SLF1: variants seen among roughly 807,000 people sequenced by gnomAD.
The protein encoded by SLF1 is SMC5-SMC6 complex localization factor protein 1.
SLF1 carries 105 observed loss-of-function variants against 123.0 expected under a neutral mutation model. That is an observed-to-expected ratio of 0.85 (90% CI 0.73 to 1.00). The LOEUF (loss-of-function observed/expected upper bound fraction) is 1.00. SLF1 is among the 50% of genes least tolerant of loss of function. The pLI is 0.00. For synonymous variants in SLF1, 434 were observed against 406.6 expected (o/e 1.07, Z -0.81); for missense variants, 1,239 against 1,223.0 (o/e 1.01, Z -0.20).
intron 5 of SLF1, 41 bp downstream of exon 5, chr5:94,643,476 T>A: frequency 7.7e-7 from 1 of 1,297,494 alleles, no homozygotes. Context: ...TTGTTTCATG[T>A]GTTCATTTTA....
chr5:94,657,870 C>T (rs762043095), intron 9 of SLF1, among the ~76,000 whole-genome samples: 2 of 152,032 alleles, frequency 1.3e-5, no homozygotes, highest in African/African-American at 2.4e-5. Flanking sequence ...TACTTCTGCT[C>T]GCTTTGGTTT....
chr5:94,638,877 G>A (rs1731836227), intron 4 of SLF1, among the ~76,000 whole-genome samples: 1 of 151,788 alleles, frequency 6.6e-6, no homozygotes, highest in Admixed American at 6.6e-5. Context: ...ACTTAAAATG[G>A]GTTTCTTTTA....
At chr5:94,689,815 C>A (rs770735869) in intron 18 of SLF1, among the ~76,000 whole-genome samples, 1 of 152,114 alleles carries the variant, frequency 6.6e-6, no homozygotes, top group East Asian at 1.9e-4. Flanking sequence ...ATAGAGTATT[C>A]TTTCCTTTTT....
In SLF1 at chr5:94,697,466, A is replaced by G. The variant is rs1384688645; in HGVS notation, c.*2154A>G. On this transcript the variant is annotated 3_prime_UTR_variant, in exon 21 of 21. Coordinates refer to ENST00000265140, the MANE Select transcript of SLF1 (RefSeq NM_032290.4). ...CTAGATTTTCAATGGCAGACTTTTC[A>G]AAGTTGCATCTGAAGACAAGGTTGA... 1.3e-5 allele frequency: 2 copies of G among 151,918 alleles called. No individual in the cohort carries two copies. Among genetic ancestry groups the G allele is most frequent in the Non-Finnish European group, 2.9e-5 (2 of 67,892 alleles). The allele number at this position is 151,918 out of a possible 1,614,324, so 9.4% of individuals were successfully genotyped here. A position where few individuals can be genotyped will look rare whatever the true frequency, so the allele number is the denominator to read the frequency against.
chr5:94,687,387 G>A (rs1251148614), intron 16 of SLF1, among the ~76,000 whole-genome samples: 3 of 152,170 alleles, frequency 2.0e-5, no homozygotes, highest in Non-Finnish European at 4.4e-5. Context: ...GCAGTGGGGG[G>A]AAGGTAATCA....
At chr5:94,693,939 CAG>C (rs141910097) in intron 20 of SLF1, among the ~76,000 whole-genome samples, 6,181 of 151,818 alleles carry the variant, frequency 0.041, 241 homozygotes, top group East Asian at 0.21. Flanking sequence ...TATGTCTGAT[CAG>C]AGTCATCATT....
chr5:94,659,142 T>A (rs926089206), intron 9 of SLF1, among the ~76,000 whole-genome samples: 7 of 151,126 alleles, frequency 4.6e-5, no homozygotes, highest in African/African-American at 1.2e-4. Context: ...TGTTATATAT[T>A]TTTTTTCATT....
intron 10 of SLF1, among the ~76,000 whole-genome samples, 156 bp from the exon 11 acceptor site, chr5:94,663,594 G>A (rs921608361): frequency 1.3e-4 from 20 of 152,204 alleles, no homozygotes; most frequent in African/African-American, 4.3e-4. Context: ...CAAGTGAGCC[G>A]AGATCGCACC....
intron 12 of SLF1, among the ~76,000 whole-genome samples, chr5:94,669,052 A>C (rs1750138083): frequency 6.6e-6 from 1 of 152,204 alleles, no homozygotes; most frequent in African/African-American, 2.4e-5. Flanking sequence ...TTAAAAATAG[A>C]CTTTTAAACA....
At chr5:94,674,635 C>T (rs1005277384) in intron 14 of SLF1, among the ~76,000 whole-genome samples, 8 of 152,076 alleles carry the variant, frequency 5.3e-5, no homozygotes, top group African/African-American at 1.9e-4. Context: ...TTGAAGTATT[C>T]AATTTAAGTC....
chr5:94,645,250 C>T (rs1289805042), intron 5 of SLF1, among the ~76,000 whole-genome samples: 2 of 152,164 alleles, frequency 1.3e-5, no homozygotes, highest in African/African-American at 4.8e-5. Flanking sequence ...ACCTGAAATA[C>T]TACTGGTTAA....
chr5:94,676,525 C>T (rs989303174), intron 14 of SLF1, among the ~76,000 whole-genome samples: 14 of 152,212 alleles, frequency 9.2e-5, no homozygotes, highest in African/African-American at 3.4e-4. Flanking sequence ...TGTGAAGACT[C>T]ACCTGCTAGG....
intron 4 of SLF1, among the ~76,000 whole-genome samples, chr5:94,631,731 C>T (rs391075): frequency 0.99 from 151,253 of 152,332 alleles, 75,095 homozygotes; most frequent in East Asian, 1. Context: ...AGTATTCATG[C>T]AGACATGTTT....
intron 9 of SLF1, among the ~76,000 whole-genome samples, chr5:94,660,640 G>A (rs545620682): frequency 1.3e-5 from 2 of 152,296 alleles, no homozygotes; most frequent in South Asian, 2.1e-4. Context: ...TCCAGATGGC[G>A]CTTGTGGGCA....
chr5:94,640,488 T>G (rs1253598870), intron 4 of SLF1, among the ~76,000 whole-genome samples: 3 of 152,184 alleles, frequency 2.0e-5, no homozygotes, highest in Non-Finnish European at 2.9e-5. Context: ...ATTATTGATT[T>G]ATTTTGCTTG....
chr5:94,691,760 G>A, intron 19 of SLF1, 104 bp downstream of exon 19: 1 of 892,778 alleles, frequency 1.1e-6, no homozygotes, highest in South Asian at 2.3e-5. Flanking sequence ...TTTACCTAAG[G>A]TATCTTAAAA....
chr5:94,654,136 C>T (rs915696290), intron 8 of SLF1, among the ~76,000 whole-genome samples: 4 of 152,046 alleles, frequency 2.6e-5, no homozygotes, highest in African/African-American at 9.7e-5. Context: ...CACCACTGCA[C>T]TCCAGCCTGG....
chr5:94,650,010 A>G (rs923043573), intron 6 of SLF1, among the ~76,000 whole-genome samples: 1 of 152,192 alleles, frequency 6.6e-6, no homozygotes, highest in African/African-American at 2.4e-5. Context: ...GTCTATTTTG[A>G]TTAACTTGTA....
chr5:94,635,395 T>C, intron 4 of SLF1, among the ~76,000 whole-genome samples: 1 of 150,856 alleles, frequency 6.6e-6, no homozygotes. Context: ...TCTATGTCTT[T>C]TGTTTGGAGA....
Sources: allele counts gnomAD v4.1 joint callset (sites outside exome capture counted in the v4.1 genomes callset), GRCh38; gene constraint gnomAD v4.1.1; transcripts MANE v1.5; gene names NCBI Gene and HGNC (gene_info 2026-07-23, HGNC 2026-07-21).